AIG1: variants seen among roughly 807,000 people sequenced by gnomAD.
AIG1 encodes the protein androgen-induced gene 1 protein.
Under a neutral mutation model 31.4 loss-of-function variants are expected in AIG1, and 23 were observed. The ratio of observed to expected loss-of-function variants is 0.73; its 90% CI spans 0.53 to 1.04. The LOEUF (loss-of-function observed/expected upper bound fraction) is 1.04, where lower values mean the gene tolerates loss of function less well. AIG1 is among the 50% of genes least tolerant of loss of function. The probability of loss-of-function intolerance (pLI) is 0.00; values close to 1 mark genes in which losing one functional copy is unlikely to be tolerated. For missense variants in AIG1, 274 were observed against 295.0 expected (o/e 0.93, Z 0.52); for synonymous variants, 100 against 110.5 (o/e 0.90, Z 0.60).
At chr6:143,263,418 A>G (rs942830756) in intron 3 of AIG1, among the ~76,000 whole-genome samples, 6 of 151,800 alleles carry the variant, frequency 4.0e-5, no homozygotes, top group Non-Finnish European at 8.8e-5. Context: ...CTGGTTCTTC[A>G]TATTTCTGTG....
chr6:143,136,242 A>G (rs772902144), intron 1 of AIG1, among the ~76,000 whole-genome samples: 2 of 152,248 alleles, frequency 1.3e-5, no homozygotes, highest in Non-Finnish European at 2.9e-5. Flanking sequence ...AACTTGTTTC[A>G]TATCAGCCTT....
At position 143,333,688 on chromosome 6, in the gene AIG1, T is replaced by A. The variant is rs940558396; in HGVS notation, c.679+243T>A. ...TCCAAATCTAAAGAGGAAAGAGGCATGTCTATAAAATTTTATAGGGAAAAA... is the reference window on the plus strand; with the variant it reads ...TCCAAATCTAAAGAGGAAAGAGGCAAGTCTATAAAATTTTATAGGGAAAAA... On this transcript the variant is annotated intron_variant, in intron 5 of 5. Transcript: ENST00000357847. This position sits in a 1 kb window ranked among gnomAD's most constrained non-coding sequence, Gnocchi z 4.6. Among the ~76,000 whole-genome samples the A allele has an allele frequency of 1.3e-5, 2 of 152,212 alleles. No individual in the cohort carries two copies. Among genetic ancestry groups the A allele is most frequent in the African/African-American group, 2.4e-5 (1 of 41,450 alleles).
At chr6:143,266,234 C>A (rs1796142726) in intron 3 of AIG1, among the ~76,000 whole-genome samples, 1 of 151,168 alleles carries the variant, frequency 6.6e-6, no homozygotes, top group Non-Finnish European at 1.5e-5. Context: ...GTAATCCCAG[C>A]TACTCGGGAG....
chr6:143,135,806 A>G (rs968187998), intron 1 of AIG1, among the ~76,000 whole-genome samples: 2 of 152,218 alleles, frequency 1.3e-5, no homozygotes, highest in African/African-American at 2.4e-5. Context: ...GGTCCTTGCT[A>G]TCTTTTCTAA....
At chr6:143,321,280 G>C (rs1435809480) in intron 4 of AIG1, among the ~76,000 whole-genome samples, 3 of 151,760 alleles carry the variant, frequency 2.0e-5, no homozygotes, top group Admixed American at 6.6e-5. Context: ...ATACCTTCTT[G>C]TATATAAATC....
At chr6:143,089,555 A>G (rs987518963) in intron 1 of AIG1, among the ~76,000 whole-genome samples, 3 of 152,220 alleles carry the variant, frequency 2.0e-5, no homozygotes, top group Admixed American at 6.5e-5. Context: ...TTGTATTGCT[A>G]TAAAGGAATA....
rs541667598 is a variant in AIG1, at chr6:143,207,677, T to C, written c.399+42494T>C. ...CTCAGGCAACTCACATTCTTGGTCA[T>C]AGAAGGTGAGTTCTTCCCTGATCTC... On this transcript the variant is annotated intron_variant, in intron 3 of 5. Coordinates refer to ENST00000357847, the MANE Select transcript of AIG1 (RefSeq NM_016108.4). Among the ~76,000 whole-genome samples, 5 of 152,260 alleles carry C rather than the reference T, an allele frequency of 3.3e-5. No individual in the cohort carries two copies. The South Asian group carries it at 1.0e-3, about 32-fold the overall frequency.
At chr6:143,098,941 A>G (rs903704102) in intron 1 of AIG1, among the ~76,000 whole-genome samples, 1 of 152,216 alleles carries the variant, frequency 6.6e-6, no homozygotes, top group Non-Finnish European at 1.5e-5. Context: ...TACTAATTAC[A>G]TGATGAAAAT....
chr6:143,275,421 A>G (rs1020792709), intron 3 of AIG1, among the ~76,000 whole-genome samples: 1 of 152,154 alleles, frequency 6.6e-6, no homozygotes, highest in Non-Finnish European at 1.5e-5. Flanking sequence ...TCCATGGAAG[A>G]TGTCTGAACC....
At chr6:143,281,112 A>G (rs563584049) in intron 3 of AIG1, among the ~76,000 whole-genome samples, 13 of 152,340 alleles carry the variant, frequency 8.5e-5, no homozygotes, top group Admixed American at 4.6e-4. Flanking sequence ...CAACTGTGAT[A>G]TCTTTTAAAA....
At chr6:143,211,129 G>A (rs1791556462) in intron 3 of AIG1, among the ~76,000 whole-genome samples, 1 of 152,132 alleles carries the variant, frequency 6.6e-6, no homozygotes, top group Admixed American at 6.5e-5. Context: ...TGGGGAAACT[G>A]AGCCTTTGTT....
At chr6:143,232,353 G>C (rs1338631266) in intron 3 of AIG1, among the ~76,000 whole-genome samples, 1 of 152,120 alleles carries the variant, frequency 6.6e-6, no homozygotes, top group Non-Finnish European at 1.5e-5. Context: ...CTGGCATGTG[G>C]ACACCCTGAG....
chr6:143,277,397 A>G (rs1797014784), intron 3 of AIG1, among the ~76,000 whole-genome samples: 1 of 152,216 alleles, frequency 6.6e-6, no homozygotes, highest in Non-Finnish European at 1.5e-5. Flanking sequence ...GTCCAGTCAC[A>G]TCGCTGGCCC....
chr6:143,134,238 C>T (rs962310721), intron 1 of AIG1, among the ~76,000 whole-genome samples: 5 of 151,480 alleles, frequency 3.3e-5, no homozygotes, highest in African/African-American at 1.2e-4. Flanking sequence ...ATAATATTTC[C>T]TCCAATCTTA....
chr6:143,089,157 C>T (rs1779073091), intron 1 of AIG1, among the ~76,000 whole-genome samples: 1 of 149,980 alleles, frequency 6.7e-6, no homozygotes. Flanking sequence ...TGCAGTGAGC[C>T]AAGATCATGC....
Position 143,319,500 on chromosome 6 carries a change from A to G in AIG1, c.516-13782A>G, listed in dbSNP as rs149960738. Among the ~76,000 whole-genome samples, 491 of 152,308 alleles carry G rather than the reference A, an allele frequency of 3.2e-3. 2 individuals carry two copies. The highest frequency in any genetic ancestry group is 0.011 in the African/African-American group (470 of 41,568). On this transcript the variant is annotated intron_variant, in intron 4 of 5. Transcript: ENST00000357847. Reference sequence around the variant, plus strand: ...GAGAGTGGTAGGGGAGTAAGGAATAAAAAACTACACGTTGGGTACAATGTA... The same window carrying G: ...GAGAGTGGTAGGGGAGTAAGGAATAGAAAACTACACGTTGGGTACAATGTA...
chr6:143,252,064 A>G (rs926886489), intron 3 of AIG1, among the ~76,000 whole-genome samples: 21 of 152,096 alleles, frequency 1.4e-4, no homozygotes, highest in African/African-American at 4.6e-4. Flanking sequence ...ATTCTGCCAG[A>G]CTTGAGGGTG....
intron 3 of AIG1, among the ~76,000 whole-genome samples, chr6:143,205,175 G>T (rs571443649): frequency 6.6e-6 from 1 of 152,284 alleles, no homozygotes; most frequent in East Asian, 1.9e-4. Context: ...CCATCTATGT[G>T]CCTTATTCCC....
At chr6:143,075,306 G>A (rs9496512) in intron 1 of AIG1, among the ~76,000 whole-genome samples, 2,120 of 150,902 alleles carry the variant, frequency 0.014, 48 homozygotes, top group African/African-American at 0.048. Context: ...CTCTTTTTTT[G>A]TTGCTGTTTT....
Sources: allele counts gnomAD v4.1 joint callset (sites outside exome capture counted in the v4.1 genomes callset), GRCh38; gene constraint gnomAD v4.1.1; non-coding constraint Gnocchi (gnomAD v3.1); transcripts MANE v1.5; gene names NCBI Gene and HGNC (gene_info 2026-07-23, HGNC 2026-07-21).